NUP160: variants seen among roughly 807,000 people sequenced by gnomAD.
NUP160 encodes nuclear pore complex protein Nup160.
A neutral mutation model predicts 196.9 loss-of-function variants in NUP160; 94 were observed. The ratio of observed to expected loss-of-function variants is 0.48; its 90% CI spans 0.40 to 0.57. NUP160 has a LOEUF of 0.57. Ranked by LOEUF, NUP160 falls within the 20% of genes least tolerant of loss-of-function variation. The pLI is 0.00. For missense variants in NUP160, 1,638 were observed against 1,748.3 expected (o/e 0.94, Z 1.13); for synonymous variants, 605 against 619.7 (o/e 0.98, Z 0.35).
At chr11:47,802,028 C>A in intron 22 of NUP160, 98 bp from the exon 23 acceptor site, 2 of 1,108,210 alleles carry the variant, frequency 1.8e-6, no homozygotes, top group Middle Eastern at 2.6e-4. Context: ...AAAAAAGAAA[C>A]AAGATTACTT....
At chr11:47,810,996 T>C (rs1185506686) in intron 17 of NUP160, among the ~76,000 whole-genome samples, 1 of 152,210 alleles carries the variant, frequency 6.6e-6, no homozygotes, top group African/African-American at 2.4e-5. Context: ...CAAATGAGAT[T>C]ACTGACTTAG....
chr11:47,798,117 G>A (rs1246839056), intron 25 of NUP160, 43 bp from the exon 26 acceptor site: 2 of 1,540,646 alleles, frequency 1.3e-6, no homozygotes, highest in Non-Finnish European at 1.8e-6. Context: ...TATCTTAGTA[G>A]GTTAAACAGA....
intron 7 of NUP160, among the ~76,000 whole-genome samples, chr11:47,827,897 G>A (rs1051295048): frequency 6.6e-6 from 1 of 152,146 alleles, no homozygotes; most frequent in Non-Finnish European, 1.5e-5. Context: ...ATGAGACAGG[G>A]TTCCGCTCTG....
intron 7 of NUP160, among the ~76,000 whole-genome samples, chr11:47,833,418 G>A (rs1852113019): frequency 6.6e-6 from 1 of 150,626 alleles, no homozygotes; most frequent in African/African-American, 2.4e-5. Context: ...TCACGCTACT[G>A]CACTCCAGCC....
At chr11:47,819,709 T>C (rs547162982) in intron 9 of NUP160, among the ~76,000 whole-genome samples, 2 of 152,332 alleles carry the variant, frequency 1.3e-5, no homozygotes, top group South Asian at 4.1e-4. Context: ...TTGTTTCAGA[T>C]CTCAAGCCCA....
At chr11:47,832,676 T>C (rs1294330598) in intron 7 of NUP160, among the ~76,000 whole-genome samples, 1 of 152,178 alleles carries the variant, frequency 6.6e-6, no homozygotes, top group African/African-American at 2.4e-5. Context: ...AACCCTAGCC[T>C]CTAAATTTTC....
At chr11:47,847,016 G>A (rs1298064146) in intron 2 of NUP160, among the ~76,000 whole-genome samples, 1 of 152,096 alleles carries the variant, frequency 6.6e-6, no homozygotes, top group Non-Finnish European at 1.5e-5. Context: ...AATGTACTTA[G>A]GATAAAATCC....
rs866415019 is a variant in NUP160, at chr11:47,837,568, T to C, written c.804A>G (p.Thr268=). Residue 268 remains threonine (T), a synonymous_variant, in exon 5 of 36, where the codon ACA becomes ACG. Transcript: ENST00000378460. ...ACCTGATAGCTGTTGGCATCCAGCC[T>C]GTAAGCAATCGTTGCATTACTGAAC... 8.1e-6 allele frequency: 13 copies of C among 1,614,040 alleles called. No homozygotes were observed. The highest frequency in any genetic ancestry group is 3.3e-5 in the Admixed American group (2 of 59,990).
intron 7 of NUP160, among the ~76,000 whole-genome samples, chr11:47,824,025 A>ATG (rs1851916307): frequency 8.7e-6 from 1 of 115,228 alleles, no homozygotes; most frequent in African/African-American, 3.1e-5. Context: ...ATATATATAT[A>ATG]TATATATATA....
At chr11:47,815,255 A>G in intron 13 of NUP160, 1 of 371,522 alleles carries the variant, frequency 2.7e-6, no homozygotes, top group Non-Finnish European at 4.7e-6. Flanking sequence ...TAAATACAAT[A>G]AAATACAAAA....
At chr11:47,788,037 G>A in intron 31 of NUP160, 145 bp downstream of exon 31, 1 of 745,742 alleles carries the variant, frequency 1.3e-6, no homozygotes, top group Non-Finnish European at 2.1e-6. Flanking sequence ...TTCTTTTTAA[G>A]AATGCTTGGA....
At chr11:47,788,211 T>C in exon 31 of NUP160, 1 of 1,613,874 alleles carries the variant, frequency 6.2e-7, no homozygotes, top group Non-Finnish European at 8.5e-7. Context: ...AGACTGGCGT[T>C]AAGGGAAGCT....
intron 26 of NUP160, 32 bp downstream of exon 26, chr11:47,797,946 G>A (rs1226000910): frequency 6.5e-7 from 1 of 1,544,936 alleles, no homozygotes; most frequent in South Asian, 1.1e-5. Flanking sequence ...CACCATACTT[G>A]TTGAAAGCCA....
At position 47,792,808 on chromosome 11, in the gene NUP160, A is replaced by C. The variant is rs771164199; in HGVS notation, c.3428T>G (p.Val1143Gly). ...TACCACTGCACCAGACACTGGCTGC[A>C]CAATCCACGCATATTCTGGACGAAT... Residue 1143 changes from valine to glycine, a missense_variant, in exon 28 of 36, where the codon GTG becomes GGG. By Grantham distance (109) the Val-to-Gly change is moderately radical (BLOSUM62 -3). This residue lies in a region of NUP160 where 1,345 missense variants were observed against 1,470.2 expected (regional missense o/e 0.91). Coordinates refer to ENST00000378460, the Ensembl canonical transcript of NUP160. 4.3e-6 allele frequency: 7 copies of C among 1,613,502 alleles called. No individual in the cohort carries two copies. Among genetic ancestry groups the C allele is most frequent in the Middle Eastern group, 3.3e-4 (2 of 6,084 alleles).
chr11:47,822,969 T>A (rs1021810226), intron 7 of NUP160, among the ~76,000 whole-genome samples: 4 of 152,234 alleles, frequency 2.6e-5, no homozygotes, highest in Non-Finnish European at 4.4e-5. Flanking sequence ...CAGTCTATCA[T>A]TGATGGACAC....
At chr11:47,809,430 C>G (rs1316498568) in intron 17 of NUP160, among the ~76,000 whole-genome samples, 3 of 151,770 alleles carry the variant, frequency 2.0e-5, no homozygotes, top group Non-Finnish European at 4.4e-5. Flanking sequence ...GTTTTTAGAA[C>G]TTATTCTAGA....
chr11:47,824,794 C>G (rs1180274689), intron 7 of NUP160, among the ~76,000 whole-genome samples: 1 of 149,064 alleles, frequency 6.7e-6, no homozygotes, highest in Admixed American at 6.8e-5. Context: ...CATGTTCTAC[C>G]CGACCCAGCT....
At chr11:47,845,420 G>A (rs1458661463) in intron 2 of NUP160, among the ~76,000 whole-genome samples, 1 of 152,206 alleles carries the variant, frequency 6.6e-6, no homozygotes, top group Admixed American at 6.5e-5. Flanking sequence ...GATTACAGGT[G>A]TGAGCCACCA....
At chr11:47,787,681 A>G (rs2097665427) in intron 31 of NUP160, among the ~76,000 whole-genome samples, 1 of 151,648 alleles carries the variant, frequency 6.6e-6, no homozygotes, top group South Asian at 2.1e-4. Context: ...AAGTATTAGT[A>G]GGATTACAGA....
Sources: allele counts gnomAD v4.1 joint callset (sites outside exome capture counted in the v4.1 genomes callset), GRCh38; gene constraint gnomAD v4.1.1; regional missense constraint gnomAD v4.1.1; transcripts MANE v1.5; gene names NCBI Gene and HGNC (gene_info 2026-07-23, HGNC 2026-07-21).